The following RADIL variants were observed in gnomAD, a reference collection of about 807,000 sequenced individuals.
RADIL encodes the protein ras-associating and dilute domain-containing protein.
In RADIL, 99 loss-of-function variants were observed where a neutral mutation model predicts 97.6. The ratio of observed to expected loss-of-function variants is 1.01; its 90% CI spans 0.86 to 1.20. The LOEUF (loss-of-function observed/expected upper bound fraction) is 1.20, where lower values mean the gene tolerates loss of function less well. Among genes scored for constraint, RADIL ranks in the 50% most tolerant of loss-of-function variants. The probability of loss-of-function intolerance (pLI) is 0.00; values close to 1 mark genes in which losing one functional copy is unlikely to be tolerated. For synonymous variants in RADIL, 803 were observed against 691.8 expected, an observed-to-expected ratio of 1.16 and a Z score of -2.52; for missense variants, 1,765 against 1,498.9, an observed-to-expected ratio of 1.18 and a Z score of -2.93.
In RADIL at chr7:4,847,970, C is replaced by T. The variant is rs142261216; in HGVS notation, c.536-11365G>A. On this transcript the variant is annotated intron_variant, in intron 2 of 14. Coordinates refer to ENST00000399583, the MANE Select transcript of RADIL (RefSeq NM_018059.5). ...CAGCACTTAGGGAGGCCGCAGCAGG[C>T]GGATCGCTTGAGCTCAGGAGTTCGA... Among the ~76,000 whole-genome samples the T allele has an allele frequency of 1.6e-4, 25 of 152,118 alleles. No homozygotes were observed. In the East Asian group the frequency reaches 4.7e-3, roughly 28 times the overall value.
chr7:4,825,642 C>T (rs1420332678), intron 5 of RADIL, among the ~76,000 whole-genome samples: 3 of 148,732 alleles, frequency 2.0e-5, no homozygotes, highest in Non-Finnish European at 3.0e-5. Flanking sequence ...TTTGGGAGGG[C>T]GAGGTGGGCA....
chr7:4,869,800 C>T (rs963095451), intron 2 of RADIL, among the ~76,000 whole-genome samples: 1 of 152,080 alleles, frequency 6.6e-6, no homozygotes, highest in Admixed American at 6.6e-5. Context: ...TTGTTCAAAC[C>T]TATCATAGGC....
rs1342173956 is a variant in RADIL, at chr7:4,854,353, G to C, written c.536-17748C>G. Among the ~76,000 whole-genome samples the C allele has an allele frequency of 6.6e-6, 1 of 152,182 alleles. No individual in the cohort carries two copies. The highest frequency in any genetic ancestry group is 1.5e-5 in the Non-Finnish European group (1 of 68,036). On this transcript the variant is annotated intron_variant, in intron 2 of 14. Transcript: ENST00000399583. This position sits in a 1 kb window ranked among gnomAD's most constrained non-coding sequence, Gnocchi z 5.1. ...TAGGTGGGGTTTTCTGTTTGCTTTTGTTTCTGGGGAGGGTGGTGTTTGGTT... is the reference window on the plus strand; with the variant it reads ...TAGGTGGGGTTTTCTGTTTGCTTTTCTTTCTGGGGAGGGTGGTGTTTGGTT...
chr7:4,811,295 T>C (rs2115180457), intron 9 of RADIL: 1 of 152,114 alleles, frequency 6.6e-6, no homozygotes, highest in Non-Finnish European at 1.5e-5. Context: ...CAGCCTGAAA[T>C]GTGGAGAGTT....
At chr7:4,826,716 G>A (rs1434724858) in intron 5 of RADIL, among the ~76,000 whole-genome samples, 2 of 145,578 alleles carry the variant, frequency 1.4e-5, no homozygotes, top group African/African-American at 2.6e-5. Flanking sequence ...TTGGGCAACA[G>A]AGCGAGACTC....
At chr7:4,859,831 C>T in intron 2 of RADIL, 1 of 975,026 alleles carries the variant, frequency 1.0e-6, no homozygotes, top group South Asian at 1.6e-5. Flanking sequence ...TTGAGTTTCT[C>T]CTCTTCCGTT....
rs180971955 is a variant in RADIL, at chr7:4,816,235, G to A, written c.1959C>T (p.Leu653=). The A allele has an allele frequency of 1.1e-3, 1,741 of 1,609,634 alleles. 24 individuals are homozygous for A. In the East Asian group the frequency reaches 0.026, roughly 24 times the overall value. Residue 653 remains leucine (L), a synonymous_variant, in exon 8 of 15, where the codon CTC becomes CTT. Coordinates refer to ENST00000399583, the MANE Select transcript of RADIL (RefSeq NM_018059.5). ...FSGTLLLNQL[L]DRGPSLSCFH... The stretch of plus-strand genomic sequence containing the variant: ...CCTGCACGAGGCCCTCACCCCTGTC[G>A]AGGAGCTGGTTGAGAAGCAGTGTCC...
chr7:4,806,806 G>A (rs559173761), intron 9 of RADIL, among the ~76,000 whole-genome samples: 2 of 152,334 alleles, frequency 1.3e-5, no homozygotes, highest in South Asian at 4.1e-4. Flanking sequence ...CCAGGCGGGA[G>A]GGCGTCACCC....
chr7:4,813,421 T>C lies in RADIL; in HGVS notation c.2139+1857A>G, dbSNP rs1782598342. 6.6e-6 allele frequency among the ~76,000 whole-genome samples: 1 copy of C among 152,196 alleles called. No individual in the cohort carries two copies. Among genetic ancestry groups the C allele is most frequent in the Non-Finnish European group, 1.5e-5 (1 of 68,040 alleles). Reference sequence around the variant, plus strand: ...TTTTGGTTCCGTTTTAAAGCCTCTCTCCATCGCACTCCCTGGAGATTCAGA... The same window carrying C: ...TTTTGGTTCCGTTTTAAAGCCTCTCCCCATCGCACTCCCTGGAGATTCAGA... On this transcript the variant is annotated intron_variant, in intron 9 of 14. Coordinates refer to ENST00000399583, the MANE Select transcript of RADIL (RefSeq NM_018059.5). This position sits in a 1 kb window ranked among gnomAD's most constrained non-coding sequence, Gnocchi z 5.0.
intron 2 of RADIL, among the ~76,000 whole-genome samples, chr7:4,870,709 G>T (rs1474052230): frequency 6.6e-6 from 1 of 152,218 alleles, no homozygotes; most frequent in Non-Finnish European, 1.5e-5. Context: ...CTCCCAAAGT[G>T]CTGGGATTAC....
chr7:4,801,512 G>A, intron 12 of RADIL, 141 bp downstream of exon 12: 3 of 908,028 alleles, frequency 3.3e-6, no homozygotes, highest in Admixed American at 5.7e-5. Flanking sequence ...TCTCCATCTG[G>A]CCCCGTCTCA....
chr7:4,811,913 C>T (rs932681565), intron 9 of RADIL, among the ~76,000 whole-genome samples: 3 of 152,086 alleles, frequency 2.0e-5, no homozygotes, highest in South Asian at 2.1e-4. Context: ...TCATTTCTGA[C>T]GTCCAGGCTG....
At chr7:4,876,764 G>A (rs1439371674) in intron 2 of RADIL, among the ~76,000 whole-genome samples, 1 of 152,136 alleles carries the variant, frequency 6.6e-6, no homozygotes. Context: ...GACAATGATC[G>A]GCTGCCCGTG....
intron 2 of RADIL, among the ~76,000 whole-genome samples, chr7:4,869,830 T>C (rs1187063956): frequency 6.6e-6 from 1 of 152,136 alleles, no homozygotes; most frequent in Non-Finnish European, 1.5e-5. Context: ...TCTGACTCTT[T>C]CGCAAAGATG....
chr7:4,826,637 G>T (rs1782987278), intron 5 of RADIL, among the ~76,000 whole-genome samples: 1 of 151,662 alleles, frequency 6.6e-6, no homozygotes, highest in Non-Finnish European at 1.5e-5. Context: ...GGAGGCTGAG[G>T]CATGAGAATC....
intron 5 of RADIL, among the ~76,000 whole-genome samples, chr7:4,828,661 T>C (rs1448911973): frequency 1.3e-5 from 2 of 152,208 alleles, no homozygotes; most frequent in Non-Finnish European, 2.9e-5. Flanking sequence ...ATAACATCAG[T>C]TTCAGGTGTG....
In RADIL at chr7:4,803,552, G is replaced by T; in HGVS notation, c.2493C>A (p.Cys831Ter). 1 of 1,540,616 alleles carries T rather than the reference G, an allele frequency of 6.5e-7. No individual in the cohort carries two copies. The highest frequency in any genetic ancestry group is 8.8e-7 in the Non-Finnish European group (1 of 1,141,054). ...RPGSGASQPV[C>*]PEGMHHVVLD... ...GGGCCCCCTCCCCGGGTACCTCGGGGCACACTGGCTGGGAGGCCCCACTGC... is the reference window on the plus strand; with the variant it reads ...GGGCCCCCTCCCCGGGTACCTCGGGTCACACTGGCTGGGAGGCCCCACTGC... The change falls in exon 11 of 15, where the codon TGC becomes TGA. Residue 831 changes from cysteine to a stop codon, truncating the protein, a stop_gained. Coordinates refer to ENST00000399583, the MANE Select transcript of RADIL (RefSeq NM_018059.5). LOFTEE classifies it high-confidence loss of function.
intron 5 of RADIL, 138 bp downstream of exon 5, chr7:4,832,003 C>T (rs147037239): frequency 2.2e-4 from 194 of 872,204 alleles, no homozygotes; most frequent in Non-Finnish European, 2.9e-4. Context: ...CAAAAAAGGC[C>T]GCTGCTTGGA....
chr7:4,805,529 A>G, intron 10 of RADIL, 37 bp downstream of exon 10: 1 of 1,527,708 alleles, frequency 6.5e-7, no homozygotes. Flanking sequence ...TCTCCCACTG[A>G]GTCCCCAGCC....
Sources: allele counts gnomAD v4.1 joint callset (sites outside exome capture counted in the v4.1 genomes callset), GRCh38; gene constraint gnomAD v4.1.1; non-coding constraint Gnocchi (gnomAD v3.1); transcripts MANE v1.5; gene names NCBI Gene and HGNC (gene_info 2026-07-23, HGNC 2026-07-21).